The following RYR3 variants were observed in gnomAD, a reference collection of about 807,000 sequenced individuals.
RYR3 encodes ryanodine receptor 3, also known as brain ryanodine receptor-calcium release channel.
A neutral mutation model predicts 584.3 loss-of-function variants in RYR3; 207 were observed. That is an observed-to-expected ratio of 0.35 (90% CI 0.32 to 0.40). The LOEUF is 0.40. Ranked by LOEUF, RYR3 falls within the 10% of genes least tolerant of loss-of-function variation. RYR3 has a pLI of 1.00. For missense variants in RYR3, 5,616 were observed against 6,089.2 expected (o/e 0.92, Z 2.59); for synonymous variants, 2,416 against 2,248.5 (o/e 1.07, Z -2.11).
chr15:33,853,518 G>A lies in RYR3; in HGVS notation c.13672-37G>A, dbSNP rs12591066. On this transcript the variant is annotated intron_variant, in intron 95 of 103. Transcript: ENST00000634891. Reference sequence around the variant, plus strand: ...GAGCTAGAAAATATTTGGTGGTGGCGTGTGGCCTGAGCTCACCCTGTCATC... The same window carrying A: ...GAGCTAGAAAATATTTGGTGGTGGCATGTGGCCTGAGCTCACCCTGTCATC... 26,307 of 1,603,584 alleles carry A rather than the reference G, an allele frequency of 0.016. 1,673 individuals are homozygous for A. In the East Asian group the frequency reaches 0.25, roughly 16 times the overall value.
Position 33,836,860 on chromosome 15 carries a change from A to C in RYR3, c.11569-46A>C, listed in dbSNP as rs768417645. On this transcript the variant is annotated intron_variant, in intron 87 of 103. Transcript: ENST00000634891. ...CTTCTCGCTCACTGCCCTGTACTTTACTGAGGGATCAGATAGCTCAGGGGT... is the reference window on the plus strand; with the variant it reads ...CTTCTCGCTCACTGCCCTGTACTTTCCTGAGGGATCAGATAGCTCAGGGGT... The C allele has an allele frequency of 1.3e-5, 20 of 1,505,382 alleles. No homozygotes were observed. In the South Asian group the frequency reaches 2.3e-4, roughly 17 times the overall value. The allele number at this position is 1,505,382 out of a possible 1,614,324, so 93.3% of individuals were successfully genotyped here. A position where few individuals can be genotyped will look rare whatever the true frequency, so the allele number is the denominator to read the frequency against.
chr15:33,336,432 A>AGAG (rs1970984897), intron 1 of RYR3, among the ~76,000 whole-genome samples: 1 of 21,560 alleles, frequency 4.6e-5, no homozygotes, highest in Admixed American at 4.3e-4. Context: ...GAAAGAAAGA[A>AGAG]AGAAAGAAAG....
rs889747579 is a variant in RYR3 at position 33,390,468 on chromosome 15, T to G, written c.51+79372T>G. Among the ~76,000 whole-genome samples the G allele has an allele frequency of 2.0e-5, 3 of 152,224 alleles. No individual in the cohort carries two copies. Among genetic ancestry groups the G allele is most frequent in the Non-Finnish European group, 4.4e-5 (3 of 68,030 alleles). ...AAACCTCCTGTGAAGTTGCTTCTCT[T>G]TATCTGTTGATCTTATGATGCTGAA... On this transcript the variant is annotated intron_variant, in intron 1 of 103. Transcript: ENST00000634891. This position sits in a 1 kb window ranked among gnomAD's most constrained non-coding sequence, Gnocchi z 4.2.
intron 51 of RYR3, 146 bp from the exon 52 acceptor site, chr15:33,742,220 C>A (rs2288608): frequency 7.8e-6 from 5 of 645,104 alleles, no homozygotes; most frequent in Non-Finnish European, 1.4e-5. Flanking sequence ...AATGTCACTG[C>A]GCCTGGAGTC....
At chr15:33,454,081 T>C (rs1358321494) in intron 1 of RYR3, among the ~76,000 whole-genome samples, 1 of 152,258 alleles carries the variant, frequency 6.6e-6, no homozygotes, top group African/African-American at 2.4e-5. Flanking sequence ...GCTATCCTTC[T>C]GGTCTGTTCC....
chr15:33,445,831 A>G (rs1444593814), intron 1 of RYR3, among the ~76,000 whole-genome samples: 1 of 152,112 alleles, frequency 6.6e-6, no homozygotes, highest in Non-Finnish European at 1.5e-5. Context: ...GGATTTGTAC[A>G]TTTTACAGAC....
intron 2 of RYR3, among the ~76,000 whole-genome samples, chr15:33,493,629 T>C (rs771931353): frequency 1.4e-4 from 22 of 152,236 alleles, no homozygotes; most frequent in Admixed American, 3.3e-4. Flanking sequence ...CTTTGTAACA[T>C]GCCGACCATG....
intron 2 of RYR3, among the ~76,000 whole-genome samples, chr15:33,474,190 T>C (rs2049169569): frequency 6.6e-6 from 1 of 152,226 alleles, no homozygotes. Context: ...GGAAAACCTC[T>C]ATATCCGTCA....
chr15:33,490,688 C>G (rs1188156533), intron 2 of RYR3, among the ~76,000 whole-genome samples: 1 of 148,762 alleles, frequency 6.7e-6, no homozygotes, highest in Non-Finnish European at 1.5e-5. Flanking sequence ...CAGAGGAAGG[C>G]TTAATATTAT....
At chr15:33,535,740 A>G (rs933527577) in intron 5 of RYR3, among the ~76,000 whole-genome samples, 1 of 152,170 alleles carries the variant, frequency 6.6e-6, no homozygotes, top group African/African-American at 2.4e-5. Context: ...CCTTAAATAA[A>G]AATAAAGGGA....
At chr15:33,384,800 C>G (rs2041470766) in intron 1 of RYR3, among the ~76,000 whole-genome samples, 2 of 152,144 alleles carry the variant, frequency 1.3e-5, no homozygotes, top group Middle Eastern at 3.4e-3. Context: ...TCCTGTCTGC[C>G]TGAAATTTTG....
At chr15:33,320,154 A>G (rs1013333939) in intron 1 of RYR3, among the ~76,000 whole-genome samples, 2 of 152,348 alleles carry the variant, frequency 1.3e-5, no homozygotes, top group South Asian at 2.1e-4. Context: ...CCTAGAATGC[A>G]TGAATATTTT....
chr15:33,511,739 C>T (rs963797807), intron 3 of RYR3, among the ~76,000 whole-genome samples: 2 of 152,190 alleles, frequency 1.3e-5, no homozygotes, highest in Non-Finnish European at 2.9e-5. Context: ...CCTGTGGACT[C>T]ATTTTTTATT....
chr15:33,376,712 C>G (rs560298320), intron 1 of RYR3, among the ~76,000 whole-genome samples: 10 of 152,304 alleles, frequency 6.6e-5, no homozygotes, highest in African/African-American at 2.4e-4. Context: ...TCTAAGGTCA[C>G]GTTTTCCTCT....
chr15:33,511,266 T>G (rs192859136), intron 3 of RYR3, among the ~76,000 whole-genome samples: 1 of 150,990 alleles, frequency 6.6e-6, no homozygotes, highest in Admixed American at 6.6e-5. Context: ...TTAACGCTCT[T>G]GCAAACCTCT....
At chr15:33,495,645 C>T (rs1351249957) in intron 2 of RYR3, among the ~76,000 whole-genome samples, 3 of 152,124 alleles carry the variant, frequency 2.0e-5, no homozygotes, top group Non-Finnish European at 2.9e-5. Flanking sequence ...TCAATTGACT[C>T]ACCTCTAATA....
chr15:33,464,298 G>A (rs886928601), intron 1 of RYR3, among the ~76,000 whole-genome samples: 1 of 150,966 alleles, frequency 6.6e-6, no homozygotes, highest in African/African-American at 2.4e-5. Context: ...GAGGGAGGGA[G>A]CCCTCCAGGT....
intron 38 of RYR3, among the ~76,000 whole-genome samples, chr15:33,675,104 A>G (rs2152730758): frequency 6.6e-6 from 1 of 152,320 alleles, no homozygotes; most frequent in Admixed American, 6.5e-5. Context: ...TCAAAAATCC[A>G]GCAGCTAAAC....
rs968862891 is a variant in RYR3 at position 33,865,446 on chromosome 15, A to C, written c.*220A>C. ...GAACCTGTCAAAATGTCGAAGAAGG[A>C]AGGCGAAGAATCAAGTAATCTCTAG... On this transcript the variant is annotated 3_prime_UTR_variant, in exon 104 of 104. Transcript: ENST00000634891. 1.4e-5 allele frequency: 7 copies of C among 493,574 alleles called. No individual in the cohort carries two copies. The highest frequency in any genetic ancestry group is 2.2e-5 in the Non-Finnish European group (6 of 278,780). 30.6% of individuals were successfully genotyped at this position (493,574 alleles called of 1,614,324 possible).
Sources: gnomAD v4.1 joint callset for allele counts (sites outside exome capture counted in the v4.1 genomes callset) on GRCh38, gnomAD v4.1.1 for gene constraint, Gnocchi (gnomAD v3.1) non-coding constraint, MANE v1.5 for transcripts, NCBI Gene and HGNC (gene_info 2026-07-23, HGNC 2026-07-21) for gene names.